Variants in ARK2N observed in about 807,000 individuals in gnomAD.
ARK2N encodes the protein protein ARK2N.
the ARK2N span, among the ~76,000 whole-genome samples, chr18:46,240,410 G>T: frequency 6.6e-6 from 1 of 152,196 alleles, no homozygotes; most frequent in Non-Finnish European, 1.5e-5. Context: ...GAGCATTTAA[G>T]ACATTAATTG....
At chr18:46,201,127 T>A in the ARK2N span, among the ~76,000 whole-genome samples, 3 of 151,888 alleles carry the variant, frequency 2.0e-5, no homozygotes, top group African/African-American at 7.3e-5. Flanking sequence ...CACAGGTGCA[T>A]GCCACCATGT....
At chr18:46,257,822 T>C in the ARK2N span, among the ~76,000 whole-genome samples, 3 of 152,154 alleles carry the variant, frequency 2.0e-5, no homozygotes, top group South Asian at 6.2e-4. Flanking sequence ...CTCATTCTAG[T>C]CTGTTAATCC....
At chr18:46,225,312 A>G in the ARK2N span, among the ~76,000 whole-genome samples, 1 of 152,220 alleles carries the variant, frequency 6.6e-6, no homozygotes, top group Non-Finnish European at 1.5e-5. Flanking sequence ...AAGATGTATA[A>G]TTGCAATTTT....
At chr18:46,256,135 T>C in the ARK2N span, among the ~76,000 whole-genome samples, 2 of 152,250 alleles carry the variant, frequency 1.3e-5, no homozygotes, top group African/African-American at 2.4e-5. Context: ...CAGGGACATA[T>C]TATTCATTCA....
At chr18:46,174,045 C>G in the ARK2N span, 2 of 152,386 alleles carry the variant, frequency 1.3e-5, no homozygotes, top group Non-Finnish European at 2.9e-5. Flanking sequence ...GTGAGGCGCC[C>G]AGCGGAACGG....
chr18:46,207,437 T>C, the ARK2N span, among the ~76,000 whole-genome samples: 4 of 147,282 alleles, frequency 2.7e-5, no homozygotes, highest in African/African-American at 1.0e-4. Flanking sequence ...TCACCCAGGC[T>C]GGAGTGCAGT....
At chr18:46,183,386 T>G in the ARK2N span, among the ~76,000 whole-genome samples, 1 of 152,212 alleles carries the variant, frequency 6.6e-6, no homozygotes, top group Admixed American at 6.5e-5. Flanking sequence ...GTTTCTATAA[T>G]ATATATTCTT....
the ARK2N span, among the ~76,000 whole-genome samples, chr18:46,202,787 C>CA: frequency 7.7e-6 from 1 of 129,048 alleles, no homozygotes; most frequent in Non-Finnish European, 1.6e-5. Context: ...GACTCGGTCG[C>CA]AAAAAAATAA....
At chr18:46,236,874 T>C in the ARK2N span, among the ~76,000 whole-genome samples, 7 of 151,744 alleles carry the variant, frequency 4.6e-5, no homozygotes, top group Admixed American at 2.0e-4. Context: ...TTTGCTTTTT[T>C]TTTTTTTGAG....
chr18:46,205,962 T>A, the ARK2N span, among the ~76,000 whole-genome samples: 366 of 152,284 alleles, frequency 2.4e-3, 1 homozygote, highest in African/African-American at 8.5e-3. Flanking sequence ...ACTCCTGGAC[T>A]GAAGCTACCC....
At chr18:46,217,322 A>C in the ARK2N span, 1 of 152,228 alleles carries the variant, frequency 6.6e-6, no homozygotes. Context: ...ACTATAATAC[A>C]AAGGCAGTCT....
chr18:46,193,167 AAAAC>A, the ARK2N span, among the ~76,000 whole-genome samples: 16 of 152,124 alleles, frequency 1.1e-4, no homozygotes, highest in East Asian at 1.4e-3. Flanking sequence ...ACTCTGTCTC[AAAAC>A]AAACAAACAA....
the ARK2N span, among the ~76,000 whole-genome samples, chr18:46,231,566 CTTTTTTT>C: frequency 2.0e-4 from 20 of 100,766 alleles, no homozygotes; most frequent in East Asian, 5.1e-3. Context: ...AGGTTTGGGG[CTTTTTTT>C]TTTTTTTTTT....
chr18:46,205,152 C>T, the ARK2N span, among the ~76,000 whole-genome samples: 1 of 152,058 alleles, frequency 6.6e-6, no homozygotes, highest in African/African-American at 2.4e-5. Context: ...AGGCAATCTG[C>T]CCGCCTCGGC....
the ARK2N span, among the ~76,000 whole-genome samples, chr18:46,227,466 T>G: frequency 2.0e-5 from 3 of 152,346 alleles, no homozygotes; most frequent in Non-Finnish European, 4.4e-5. Flanking sequence ...CTTTTAGAAC[T>G]GGTTTTATGA....
chr18:46,194,889 C>T, the ARK2N span, among the ~76,000 whole-genome samples: 3 of 150,342 alleles, frequency 2.0e-5, no homozygotes, highest in African/African-American at 4.9e-5. Context: ...CTGCAACCTC[C>T]ACCTCCTGTG....
chr18:46,176,827 G>T, the ARK2N span, among the ~76,000 whole-genome samples: 14 of 152,184 alleles, frequency 9.2e-5, no homozygotes, highest in South Asian at 2.7e-3. Flanking sequence ...GTGTTGGTCA[G>T]GCTGGTCTCG....
chr18:46,187,545 C>T, the ARK2N span, among the ~76,000 whole-genome samples: 6 of 151,704 alleles, frequency 4.0e-5, no homozygotes, highest in African/African-American at 1.2e-4. Context: ...TTTCACCATG[C>T]TGGTCAGGCT....
At chr18:46,246,241 G>C in the ARK2N span, among the ~76,000 whole-genome samples, 1 of 152,106 alleles carries the variant, frequency 6.6e-6, no homozygotes, top group African/African-American at 2.4e-5. Context: ...CATGGGGGGT[G>C]AGGCGGGGTG....
Sources: gnomAD v4.1 joint callset for allele counts (sites outside exome capture counted in the v4.1 genomes callset) on GRCh38, gnomAD v4.1.1 for gene constraint, MANE v1.5 for transcripts, NCBI Gene and HGNC (gene_info 2026-07-23, HGNC 2026-07-21) for gene names.